KHDRBS2: variants seen among roughly 807,000 people sequenced by gnomAD.
KHDRBS2 encodes the protein KH RNA binding domain containing, signal transduction associated 2, also known as KH domain-containing, RNA-binding, signal transduction-associated protein 2.
Under a neutral mutation model 44.3 loss-of-function variants are expected in KHDRBS2, and 26 were observed. That is an observed-to-expected ratio of 0.59 (90% CI 0.43 to 0.81). KHDRBS2 has a LOEUF of 0.81. KHDRBS2 is among the 40% of genes least tolerant of loss of function. The pLI, the probability that KHDRBS2 is intolerant of heterozygous loss-of-function variation, is 0.00. For synonymous variants in KHDRBS2, 194 were observed against 151.1 expected (o/e 1.28, Z -2.08); for missense variants, 476 against 433.1 (o/e 1.10, Z -0.88).
the KHDRBS2 span, among the ~76,000 whole-genome samples, chr6:61,608,218 C>T: frequency 6.6e-6 from 1 of 151,820 alleles, no homozygotes; most frequent in African/African-American, 2.4e-5. Context: ...ATCAGTCTAA[C>T]ATTTCTGCTT....
chr6:61,715,956 C>G (rs1405169571), intron 7 of KHDRBS2, among the ~76,000 whole-genome samples: 1 of 139,916 alleles, frequency 7.1e-6, no homozygotes, highest in Non-Finnish European at 1.5e-5. Flanking sequence ...ACTGACGTAG[C>G]AGGTTATATT....
At chr6:61,899,361 G>A (rs1931812) in intron 5 of KHDRBS2, among the ~76,000 whole-genome samples, 61,889 of 151,566 alleles carry the variant, frequency 0.41, 12,823 homozygotes, top group Admixed American at 0.49. Context: ...ATTTCCTTTC[G>A]TTAATGCTAG....
At chr6:62,181,089 G>C (rs1822191949) in intron 1 of KHDRBS2, among the ~76,000 whole-genome samples, 1 of 150,462 alleles carries the variant, frequency 6.6e-6, no homozygotes, top group South Asian at 2.1e-4. Flanking sequence ...GAAATTGTAA[G>C]AGTCCTGGAA....
At chr6:62,107,400 C>G (rs947941656) in intron 2 of KHDRBS2, among the ~76,000 whole-genome samples, 2 of 152,048 alleles carry the variant, frequency 1.3e-5, no homozygotes, top group Non-Finnish European at 1.5e-5. Flanking sequence ...CGTGAAGGAC[C>G]TCTTCAAGGA....
the KHDRBS2 span, among the ~76,000 whole-genome samples, chr6:61,553,899 T>A: frequency 1.3e-5 from 2 of 152,072 alleles, no homozygotes; most frequent in African/African-American, 4.8e-5. Context: ...AGTGTTTGTT[T>A]GGAGATTGTT....
chr6:61,709,521 A>G (rs767684062), intron 7 of KHDRBS2, among the ~76,000 whole-genome samples: 1 of 151,718 alleles, frequency 6.6e-6, no homozygotes, highest in Non-Finnish European at 1.5e-5. Context: ...AACAATGTGC[A>G]TACAATTCTG....
intron 8 of KHDRBS2, among the ~76,000 whole-genome samples, chr6:61,692,600 GACAAAT>G (rs1767492034): frequency 6.6e-6 from 1 of 151,976 alleles, no homozygotes; most frequent in South Asian, 2.1e-4. Flanking sequence ...GCCCCAAGGA[GACAAAT>G]ACAATTTCAG....
At chr6:61,591,823 G>A in the KHDRBS2 span, among the ~76,000 whole-genome samples, 1 of 152,082 alleles carries the variant, frequency 6.6e-6, no homozygotes, top group African/African-American at 2.4e-5. Flanking sequence ...AGCAGGGAAG[G>A]GGTCAAGGTA....
chr6:62,063,538 A>C (rs1478731323), intron 2 of KHDRBS2, among the ~76,000 whole-genome samples: 1 of 151,812 alleles, frequency 6.6e-6, no homozygotes, highest in African/African-American at 2.4e-5. Flanking sequence ...CCACATGATT[A>C]TCTCAATAGA....
At chr6:61,629,924 A>G in the KHDRBS2 span, among the ~76,000 whole-genome samples, 3 of 152,228 alleles carry the variant, frequency 2.0e-5, no homozygotes, top group Non-Finnish European at 4.4e-5. Flanking sequence ...TTGCTTTGTC[A>G]AATATAATCT....
rs556545214 is a variant in KHDRBS2 at position 62,268,143 on chromosome 6, T to C, written c.91+17715A>G. Among the ~76,000 whole-genome samples, 20 of 152,178 alleles carry C rather than the reference T, an allele frequency of 1.3e-4. No homozygotes were observed. In the East Asian group the frequency reaches 3.5e-3, roughly 27 times the overall value. The stretch of plus-strand genomic sequence containing the variant: ...TTCCTGTCCTAAATGCAAACAAAGA[T>C]TTTCCACTGCAACACTATCCTAAAC... On this transcript the variant is annotated intron_variant, in intron 1 of 8. Coordinates refer to ENST00000281156, the MANE Select transcript of KHDRBS2 (RefSeq NM_152688.4).
At chr6:61,848,521 A>ATATATATATACATATATATG (rs1794866996) in intron 6 of KHDRBS2, among the ~76,000 whole-genome samples, 3 of 50,136 alleles carry the variant, frequency 6.0e-5, no homozygotes, top group Non-Finnish European at 1.0e-4. Flanking sequence ...GTATATATGT[A>ATATATATATACATATATATG]TATATATATA....
intron 1 of KHDRBS2, among the ~76,000 whole-genome samples, chr6:62,253,157 A>T (rs1836818178): frequency 6.6e-6 from 1 of 152,052 alleles, no homozygotes; most frequent in South Asian, 2.1e-4. Context: ...CCCAAATGTC[A>T]TTATGAGATT....
At chr6:62,089,729 A>T (rs1799138843) in intron 2 of KHDRBS2, among the ~76,000 whole-genome samples, 1 of 151,528 alleles carries the variant, frequency 6.6e-6, no homozygotes, top group Non-Finnish European at 1.5e-5. Context: ...GTAAGTACAA[A>T]TTTTCTGTCT....
At chr6:61,651,524 T>C in the KHDRBS2 span, among the ~76,000 whole-genome samples, 1 of 152,222 alleles carries the variant, frequency 6.6e-6, no homozygotes, top group Non-Finnish European at 1.5e-5. Context: ...GCTCAAAAAG[T>C]TTCAGATTTT....
At chr6:61,921,608 A>G (rs908834486) in intron 4 of KHDRBS2, among the ~76,000 whole-genome samples, 1 of 151,936 alleles carries the variant, frequency 6.6e-6, no homozygotes, top group African/African-American at 2.4e-5. Context: ...TCTCCAACAC[A>G]CTCTTTTACT....
intron 6 of KHDRBS2, among the ~76,000 whole-genome samples, chr6:61,742,832 C>A (rs1776337582): frequency 6.6e-6 from 1 of 152,076 alleles, no homozygotes. Flanking sequence ...ATCAGTAAAT[C>A]AGTCTCTAAT....
chr6:62,072,133 C>G (rs1023141238), intron 2 of KHDRBS2, among the ~76,000 whole-genome samples: 23 of 151,976 alleles, frequency 1.5e-4, no homozygotes, highest in African/African-American at 3.9e-4. Context: ...CATGATTTGG[C>G]TCTCTGTTTG....
the KHDRBS2 span, among the ~76,000 whole-genome samples, chr6:61,544,855 T>C: frequency 6.6e-6 from 1 of 152,046 alleles, no homozygotes; most frequent in Admixed American, 6.6e-5. Flanking sequence ...CCGCATGTTC[T>C]CACTCACAGA....
Sources: allele counts gnomAD v4.1 joint callset (sites outside exome capture counted in the v4.1 genomes callset), GRCh38; gene constraint gnomAD v4.1.1; transcripts MANE v1.5; gene names NCBI Gene and HGNC (gene_info 2026-07-23, HGNC 2026-07-21).